Variants in KIAA0513 observed in about 807,000 individuals in gnomAD.
The protein encoded by KIAA0513 is KIAA0513.
A neutral mutation model predicts 56.5 loss-of-function variants in KIAA0513; 39 were observed. That is an observed-to-expected ratio of 0.69 (90% CI 0.53 to 0.90). The LOEUF is 0.90. Ranked by LOEUF, KIAA0513 falls within the 40% of genes least tolerant of loss-of-function variation. The probability of loss-of-function intolerance (pLI) is 0.00; values close to 1 mark genes in which losing one functional copy is unlikely to be tolerated. For synonymous variants in KIAA0513, 268 were observed against 215.6 expected, an observed-to-expected ratio of 1.24 and a Z score of -2.13; for missense variants, 591 against 535.2, an observed-to-expected ratio of 1.10 and a Z score of -1.03.
chr16:85,045,239 G>C (rs111358123), intron 1 of KIAA0513, among the ~76,000 whole-genome samples: 389 of 152,358 alleles, frequency 2.6e-3, no homozygotes, highest in African/African-American at 8.6e-3. Context: ...AGGTGAACGG[G>C]AGGCTGGGGC....
In KIAA0513 at chr16:85,067,230, T is replaced by C; in HGVS notation, c.159T>C (p.Ser53=). The change falls in exon 2 of 13, where the codon AGT becomes AGC. Residue 53 remains serine, a synonymous_variant. Transcript: ENST00000683363. ...SESETTESAD[S]ENDMGESPSH... is the part of the protein sequence containing the mutation. ...GTGAGACCACTGAGTCTGCGGACAG[T>C]GAGAATGACATGGGCGAGTCGCCCT... is the stretch of plus-strand genomic sequence containing the variant. 6.2e-7 allele frequency: 1 copy of C among 1,614,126 alleles called. No homozygotes were observed. Among genetic ancestry groups the C allele is most frequent in the Non-Finnish European group, 8.5e-7 (1 of 1,179,990 alleles).
At chr16:85,071,017 C>T (rs185857562) in intron 2 of KIAA0513, among the ~76,000 whole-genome samples, 3 of 152,338 alleles carry the variant, frequency 2.0e-5, no homozygotes, top group Admixed American at 1.3e-4. Context: ...ATGTTTTCTA[C>T]AAAACATAAA....
chr16:85,046,203 C>A (rs929953519), intron 1 of KIAA0513, among the ~76,000 whole-genome samples: 2 of 152,196 alleles, frequency 1.3e-5, no homozygotes, highest in African/African-American at 4.8e-5. Flanking sequence ...TCTTACCACG[C>A]GCCATGCCTT....
At chr16:85,039,836 C>A (rs548383397) in intron 1 of KIAA0513, among the ~76,000 whole-genome samples, 43 of 148,684 alleles carry the variant, frequency 2.9e-4, no homozygotes, top group African/African-American at 1.0e-3. Flanking sequence ...GAAAGGTTTT[C>A]TTTTCTTTTT....
Position 85,027,817 on chromosome 16 carries a change from C to T in KIAA0513, c.-214C>T, listed in dbSNP as rs1331857241. 3 of 152,096 alleles carry T rather than the reference C, an allele frequency of 2.0e-5. No individual in the cohort carries two copies. The highest frequency in any genetic ancestry group is 4.4e-5 in the Non-Finnish European group (3 of 68,002). 9.4% of individuals were successfully genotyped at this position (152,096 alleles called of 1,614,324 possible). A position where few individuals can be genotyped will look rare whatever the true frequency, so the allele number is the denominator to read the frequency against. ...GGCGCAGTCGCCGCAGCAGCCGAGT[C>T]TGACGGCGCCGGTTCGCTGCCCGGT... is the stretch of plus-strand genomic sequence containing the variant. On this transcript the variant is annotated 5_prime_UTR_variant, in exon 1 of 13. Transcript: ENST00000683363.
rs369590955 is a variant in KIAA0513, at chr16:85,053,302, G to A, written c.-172-13598G>A. Among the ~76,000 whole-genome samples the A allele has an allele frequency of 4.6e-5, 7 of 152,320 alleles. No individual in the cohort carries two copies. The South Asian group carries it at 8.3e-4, about 18-fold the overall frequency. ...GGAAGGTACTCAGGAAACACCCAGC[G>A]AATGAATGAATTTCCCAGCCAGAGG... On this transcript the variant is annotated intron_variant, in intron 1 of 12. Transcript: ENST00000683363.
chr16:85,056,525 C>A (rs1045770561), intron 1 of KIAA0513, among the ~76,000 whole-genome samples: 15 of 152,220 alleles, frequency 9.9e-5, no homozygotes, highest in African/African-American at 3.6e-4. Flanking sequence ...AGCCTCCCTT[C>A]CCAGCTCCAC....
At chr16:85,073,088 C>A (rs2073603286) in intron 4 of KIAA0513, 90 bp downstream of exon 4, 3 of 1,073,490 alleles carry the variant, frequency 2.8e-6, no homozygotes, top group South Asian at 1.3e-5. Context: ...CATAACCCAG[C>A]TGTGAACCAT....
At chr16:85,051,225 C>A (rs969600426) in intron 1 of KIAA0513, among the ~76,000 whole-genome samples, 1 of 152,126 alleles carries the variant, frequency 6.6e-6, no homozygotes, top group Non-Finnish European at 1.5e-5. Context: ...GAACTTAATG[C>A]GTTTTATTCT....
intron 1 of KIAA0513, among the ~76,000 whole-genome samples, chr16:85,060,810 C>T (rs2073393250): frequency 6.7e-6 from 1 of 150,034 alleles, no homozygotes; most frequent in African/African-American, 2.5e-5. Context: ...CACCACTCTA[C>T]TTCAGCCTGG....
intron 5 of KIAA0513, 32 bp from the exon 6 acceptor site, chr16:85,077,393 C>T: frequency 6.2e-7 from 1 of 1,607,668 alleles, no homozygotes; most frequent in Non-Finnish European, 8.5e-7. Flanking sequence ...CCCAGCCTCA[C>T]TGGCCTCGTC....
intron 1 of KIAA0513, among the ~76,000 whole-genome samples, chr16:85,052,452 C>T (rs1481805147): frequency 1.3e-5 from 2 of 152,086 alleles, no homozygotes; most frequent in Non-Finnish European, 2.9e-5. Context: ...GCCGAGGTTC[C>T]CAGGTTCCAT....
intron 1 of KIAA0513, among the ~76,000 whole-genome samples, chr16:85,066,435 GC>G (rs937206693): frequency 2.0e-5 from 3 of 152,190 alleles, no homozygotes; most frequent in Non-Finnish European, 4.4e-5. Flanking sequence ...GTCCGGGAAT[GC>G]TTTTGACGAG....
At chr16:85,061,883 G>A (rs931750092) in intron 1 of KIAA0513, among the ~76,000 whole-genome samples, 1 of 152,188 alleles carries the variant, frequency 6.6e-6, no homozygotes, top group African/African-American at 2.4e-5. Context: ...GACCGCTGTG[G>A]CCTCTTTTCC....
chr16:85,035,795 A>G (rs6564096), intron 1 of KIAA0513, among the ~76,000 whole-genome samples: 86,993 of 151,924 alleles, frequency 0.57, 27,426 homozygotes, highest in African/African-American at 0.85. Flanking sequence ...TGGCTAACAC[A>G]GTGAAACCCC....
chr16:85,087,765 C>A (rs972541295), intron 12 of KIAA0513, among the ~76,000 whole-genome samples: 1 of 152,206 alleles, frequency 6.6e-6, no homozygotes, highest in Admixed American at 6.5e-5. Context: ...GACCCATATT[C>A]TTTAGAGAAT....
At position 85,088,515 on chromosome 16, in the gene KIAA0513, C is replaced by T. The variant is rs1355668907; in HGVS notation, c.*190C>T. The T allele has an allele frequency of 1.7e-6, 1 of 578,886 alleles. No individual in the cohort carries two copies. The highest frequency in any genetic ancestry group is 3.0e-6 in the Non-Finnish European group (1 of 329,502). The allele number at this position is 578,886 out of a possible 1,614,324, so 35.9% of individuals were successfully genotyped here. ...CATCTCCTCTGCCTGTGTCTGCGAC[C>T]CCCATCCATGTGCCAAAGTGTCCCT... On this transcript the variant is annotated 3_prime_UTR_variant, in exon 13 of 13. Transcript: ENST00000683363.
At chr16:85,050,339 ATTTATT>A (rs1352885093) in intron 1 of KIAA0513, among the ~76,000 whole-genome samples, 1 of 105,272 alleles carries the variant, frequency 9.5e-6, no homozygotes, top group Non-Finnish European at 1.9e-5. Context: ...TTATTTATTT[ATTTATT>A]TATTTATTTA....
chr16:85,067,281 C>T lies in KIAA0513; in HGVS notation c.210C>T (p.Arg70=). Residue 70 remains arginine, a synonymous_variant, in exon 2 of 13, where the codon CGC becomes CGT. Coordinates refer to ENST00000683363, the MANE Select transcript of KIAA0513 (RefSeq NM_001388359.1). ...CGCACCCGTCCTGGGACCAAGACCGCCGTTCCTCCTCCAACGAGTCCTTCT... is the reference window on the plus strand; with the variant it reads ...CGCACCCGTCCTGGGACCAAGACCGTCGTTCCTCCTCCAACGAGTCCTTCT... ...SPSHPSWDQD[R]RSSSNESFSS... 6.2e-7 allele frequency: 1 copy of T among 1,613,974 alleles called. No homozygotes were observed. The highest frequency in any genetic ancestry group is 8.5e-7 in the Non-Finnish European group (1 of 1,180,036).
Sources: allele counts gnomAD v4.1 joint callset (sites outside exome capture counted in the v4.1 genomes callset), GRCh38; gene constraint gnomAD v4.1.1; transcripts MANE v1.5; gene names NCBI Gene and HGNC (gene_info 2026-07-23, HGNC 2026-07-21).